Variants in DPY19L1 observed in about 807,000 individuals in gnomAD.
The protein encoded by DPY19L1 is dpy-19 like C-mannosyltransferase 1, also known as protein C-mannosyl-transferase DPY19L1.
Under a neutral mutation model 96.9 loss-of-function variants are expected in DPY19L1, and 35 were observed. The ratio of observed to expected loss-of-function variants is 0.36; its 90% CI spans 0.28 to 0.48. The LOEUF (loss-of-function observed/expected upper bound fraction) is 0.48. Among genes scored for constraint, DPY19L1 ranks in the 20% least tolerant of loss-of-function variants. The pLI, the probability that DPY19L1 is intolerant of heterozygous loss-of-function variation, is 0.99. For synonymous variants in DPY19L1, 205 were observed against 252.6 expected (o/e 0.81, Z 1.79); for missense variants, 521 against 777.9 (o/e 0.67, Z 3.93).
In DPY19L1 at chr7:35,026,378, T is replaced by C. The variant is rs139616180; in HGVS notation, c.299-7782A>G. 3.3e-3 allele frequency among the ~76,000 whole-genome samples: 497 copies of C among 152,290 alleles called. 5 individuals carry two copies. The highest frequency in any genetic ancestry group is 0.012 in the African/African-American group (479 of 41,548). ...CAGTGTCTCAACACTGACAGCACAC[T>C]GGAATCACCTGGGAGCTTTCCACAT... On this transcript the variant is annotated intron_variant, in intron 1 of 21. Transcript: ENST00000638088.
chr7:34,975,129 A>C (rs1784805117), intron 7 of DPY19L1, among the ~76,000 whole-genome samples: 1 of 152,202 alleles, frequency 6.6e-6, no homozygotes, highest in Non-Finnish European at 1.5e-5. Flanking sequence ...TGTTCAATTA[A>C]TACAAAGAGT....
chr7:34,953,421 C>T (rs1411719604), intron 13 of DPY19L1, among the ~76,000 whole-genome samples: 3 of 152,018 alleles, frequency 2.0e-5, no homozygotes, highest in Non-Finnish European at 4.4e-5. Flanking sequence ...ATTCTATAAA[C>T]GCAGGACTAG....
chr7:34,951,546 G>C (rs190121371), intron 13 of DPY19L1, among the ~76,000 whole-genome samples: 10 of 151,942 alleles, frequency 6.6e-5, no homozygotes, highest in Admixed American at 5.2e-4. Flanking sequence ...ACATAAAAGA[G>C]TACTACATAC....
At chr7:35,032,505 G>A (rs1786284071) in intron 1 of DPY19L1, among the ~76,000 whole-genome samples, 1 of 152,116 alleles carries the variant, frequency 6.6e-6, no homozygotes, top group Non-Finnish European at 1.5e-5. Context: ...GTTCCCCTAA[G>A]TATGGAAATA....
intron 6 of DPY19L1, among the ~76,000 whole-genome samples, chr7:35,004,086 T>C (rs567642829): frequency 6.6e-6 from 1 of 152,314 alleles, no homozygotes; most frequent in African/African-American, 2.4e-5. Context: ...TCCCTTTTGA[T>C]GGGGGTGAGA....
intron 13 of DPY19L1, among the ~76,000 whole-genome samples, chr7:34,951,126 C>A (rs1456507720): frequency 6.6e-6 from 1 of 151,852 alleles, no homozygotes; most frequent in East Asian, 1.9e-4. Flanking sequence ...ATACATATTG[C>A]CAACATATCT....
intron 1 of DPY19L1, among the ~76,000 whole-genome samples, chr7:35,031,102 C>G (rs1305258969): frequency 6.6e-6 from 1 of 152,076 alleles, no homozygotes; most frequent in Non-Finnish European, 1.5e-5. Context: ...TAAAGCTACC[C>G]CATTTGGAAC....
intron 1 of DPY19L1, among the ~76,000 whole-genome samples, chr7:35,026,152 GGGGCACAATCTA>G (rs1786114618): frequency 6.6e-6 from 1 of 152,094 alleles, no homozygotes; most frequent in African/African-American, 2.4e-5. Flanking sequence ...GAGAATGACT[GGGGCACAATCTA>G]GGTAGTTCTT....
At chr7:34,977,127 A>G (rs1784847424) in intron 7 of DPY19L1, among the ~76,000 whole-genome samples, 1 of 152,188 alleles carries the variant, frequency 6.6e-6, no homozygotes, top group Non-Finnish European at 1.5e-5. Flanking sequence ...TTCACACTTA[A>G]TAGACTATAG....
In DPY19L1 at chr7:34,931,448, T is replaced by C; in HGVS notation, c.*125A>G. 7.8e-7 allele frequency: 1 copy of C among 1,285,038 alleles called. No homozygotes were observed. Among genetic ancestry groups the C allele is most frequent in the Non-Finnish European group, 1.0e-6 (1 of 980,014 alleles). 79.6% of individuals were successfully genotyped at this position (1,285,038 alleles called of 1,614,324 possible). A position where few individuals can be genotyped will look rare whatever the true frequency, so the allele number is the denominator to read the frequency against. On this transcript the variant is annotated 3_prime_UTR_variant, in exon 22 of 22. Transcript: ENST00000638088. ...TAGAATGACATTCAAATTGACCAAA[T>C]AAAACGTTTTCTATTTGAAAACAGT...
chr7:35,018,721 A>G (rs1426630685), intron 1 of DPY19L1, 125 bp from the exon 2 acceptor site: 1 of 813,326 alleles, frequency 1.2e-6, no homozygotes, highest in East Asian at 2.7e-5. Context: ...GGGTCTTCAA[A>G]AAAGTCCCAG....
chr7:34,968,476 A>G (rs930635041), intron 9 of DPY19L1, among the ~76,000 whole-genome samples: 7 of 152,192 alleles, frequency 4.6e-5, no homozygotes, highest in African/African-American at 9.7e-5. Flanking sequence ...TGTTCTAAAA[A>G]ATATTAAAAA....
rs551179294 is a variant in DPY19L1, at chr7:34,967,923, T to TGG, written c.1015-954_1015-953dup. 4.6e-5 allele frequency among the ~76,000 whole-genome samples: 7 copies of TGG among 152,246 alleles called. No individual in the cohort carries two copies. In the South Asian group the frequency reaches 1.5e-3, roughly 32 times the overall value. ...GGTGCCTGATATGACATAACAACTG[T>TGG]GGGGAAGTGTGTGTTATTATTCAAC... On this transcript the variant is annotated intron_variant, in intron 9 of 21. Transcript: ENST00000638088.
intron 1 of DPY19L1, among the ~76,000 whole-genome samples, chr7:35,019,140 C>T (rs948878830): frequency 6.6e-6 from 1 of 151,982 alleles, no homozygotes; most frequent in African/African-American, 2.4e-5. Flanking sequence ...CAATACCTTG[C>T]TATCTGTCCA....
intron 10 of DPY19L1, among the ~76,000 whole-genome samples, chr7:34,965,228 G>A (rs397842364): frequency 6.6e-6 from 1 of 152,002 alleles, no homozygotes; most frequent in African/African-American, 2.4e-5. Flanking sequence ...GAAGCTGGGG[G>A]GAGAGGAGAG....
chr7:35,034,577 G>C (rs1786340731), intron 1 of DPY19L1, among the ~76,000 whole-genome samples: 1 of 152,140 alleles, frequency 6.6e-6, no homozygotes, highest in African/African-American at 2.4e-5. Context: ...TATGAAAAGA[G>C]ACTTTTCAAC....
At chr7:34,961,209 G>T (rs1784494053) in intron 10 of DPY19L1, among the ~76,000 whole-genome samples, 1 of 152,124 alleles carries the variant, frequency 6.6e-6, no homozygotes, top group African/African-American at 2.4e-5. Flanking sequence ...CCAAAGAAGA[G>T]CAAAGTCAGA....
intron 13 of DPY19L1, among the ~76,000 whole-genome samples, chr7:34,950,307 GA>G (rs1784243696): frequency 6.6e-6 from 1 of 152,184 alleles, no homozygotes; most frequent in African/African-American, 2.4e-5. Context: ...TACGAATTCT[GA>G]AAAGGAGATT....
In DPY19L1 at chr7:34,958,009, T is replaced by A. The variant is rs778144656; in HGVS notation, c.1154A>T (p.Tyr385Phe). 3 of 1,584,646 alleles carry A rather than the reference T, an allele frequency of 1.9e-6. No homozygotes were observed. ...FGNSMLLTSY[Y>F]ASSLVIIWGI... ...CCAAATAATTACCAAAGAAGAAGCA[T>A]AATAAGAAGTTAATAACATTGAGTT... Residue 385 changes from tyrosine to phenylalanine, a missense_variant, in exon 11 of 22, where the codon TAT (tyrosine) becomes TTT (phenylalanine). By Grantham distance (22) the Tyr-to-Phe change is conservative (BLOSUM62 3). Transcript: ENST00000638088.
Sources: allele counts gnomAD v4.1 joint callset (sites outside exome capture counted in the v4.1 genomes callset), GRCh38; gene constraint gnomAD v4.1.1; transcripts MANE v1.5; gene names NCBI Gene and HGNC (gene_info 2026-07-23, HGNC 2026-07-21).